TTLL11: variants seen among roughly 807,000 people sequenced by gnomAD.
The protein encoded by TTLL11 is tubulin tyrosine ligase like 11.
In TTLL11, 42 loss-of-function variants were observed where a neutral mutation model predicts 51.7. The observed-to-expected ratio is 0.81, with a 90% CI of 0.64 to 1.05. The LOEUF is 1.05. Ranked by LOEUF, TTLL11 falls within the 50% of genes least tolerant of loss-of-function variation. The probability of loss-of-function intolerance (pLI) is 0.00; values close to 1 mark genes in which losing one functional copy is unlikely to be tolerated. For synonymous variants in TTLL11, 381 were observed against 383.5 expected, an observed-to-expected ratio of 0.99 and a Z score of 0.08; for missense variants, 799 against 940.4, an observed-to-expected ratio of 0.85 and a Z score of 1.97.
chr9:121,877,833 C>G (rs1438432906), intron 6 of TTLL11, among the ~76,000 whole-genome samples: 7 of 152,178 alleles, frequency 4.6e-5, no homozygotes, highest in Admixed American at 3.9e-4. Context: ...GAAACCCAGA[C>G]AGGCGGGCTC....
intron 6 of TTLL11, among the ~76,000 whole-genome samples, chr9:121,925,085 G>A (rs1268422584): frequency 1.3e-5 from 2 of 152,170 alleles, no homozygotes; most frequent in Non-Finnish European, 2.9e-5. Flanking sequence ...AGCAGACACA[G>A]GCTTCACTTC....
At chr9:121,901,884 TC>T (rs1190144552) in intron 6 of TTLL11, among the ~76,000 whole-genome samples, 1 of 152,256 alleles carries the variant, frequency 6.6e-6, no homozygotes, top group African/African-American at 2.4e-5. Flanking sequence ...TTGTGTTTTC[TC>T]ATTGCTTCTG....
At chr9:121,913,774 A>T (rs915801523) in intron 6 of TTLL11, among the ~76,000 whole-genome samples, 1 of 152,196 alleles carries the variant, frequency 6.6e-6, no homozygotes. Flanking sequence ...TCAAATCAAC[A>T]TCTCATGCAT....
At chr9:121,942,590 A>ACT (rs35535008) in intron 6 of TTLL11, among the ~76,000 whole-genome samples, 45,133 of 151,368 alleles carry the variant, frequency 0.3, 7,204 homozygotes, top group African/African-American at 0.42. Context: ...CAGGGATGTC[A>ACT]CTCTAGTTAA....
intron 3 of TTLL11, among the ~76,000 whole-genome samples, chr9:122,022,413 G>GATCAAAA: frequency 6.6e-6 from 1 of 151,780 alleles, no homozygotes; most frequent in East Asian, 1.9e-4. Context: ...ATATAAAGAA[G>GATCAAAA]ATCAAAAATA....
intron 3 of TTLL11, among the ~76,000 whole-genome samples, chr9:121,991,030 T>C (rs1350076157): frequency 6.6e-6 from 1 of 152,032 alleles, no homozygotes; most frequent in South Asian, 2.1e-4. Context: ...AAGGGTGGAT[T>C]TGAAAGAGGG....
At chr9:122,080,652 T>C (rs546734853) in intron 1 of TTLL11, among the ~76,000 whole-genome samples, 1 of 152,014 alleles carries the variant, frequency 6.6e-6, no homozygotes, top group South Asian at 2.1e-4. Flanking sequence ...ATGTTCATGC[T>C]GCTGCACTCC....
chr9:121,853,573 C>A lies in TTLL11; in HGVS notation c.1840+6764G>T, dbSNP rs548069974. Among the ~76,000 whole-genome samples the A allele has an allele frequency of 6.6e-6, 1 of 152,138 alleles. No individual in the cohort carries two copies. Among genetic ancestry groups the A allele is most frequent in the Non-Finnish European group, 1.5e-5 (1 of 68,016 alleles). On this transcript the variant is annotated intron_variant, in intron 8 of 8. Transcript: ENST00000321582. The surrounding 1 kb of genome is among the most constrained non-coding windows in gnomAD (Gnocchi z 5.6). ...GTCCAGCTCTCAAGGCCCTGAAATG[C>A]GCCAATGTCCTCCCCTGGGGTTGGA...
chr9:121,979,247 G>A (rs1842778801), intron 4 of TTLL11, among the ~76,000 whole-genome samples: 1 of 152,174 alleles, frequency 6.6e-6, no homozygotes, highest in Admixed American at 6.5e-5. Context: ...AGCCATGGGA[G>A]TGGGCTTGGA....
At chr9:121,888,848 C>T (rs1243996176) in intron 6 of TTLL11, among the ~76,000 whole-genome samples, 2 of 152,222 alleles carry the variant, frequency 1.3e-5, no homozygotes, top group Non-Finnish European at 2.9e-5. Context: ...AGGCACTGGA[C>T]TGGGGGCCTT....
intron 6 of TTLL11, among the ~76,000 whole-genome samples, chr9:121,949,503 T>G (rs1022089587): frequency 6.6e-6 from 1 of 152,188 alleles, no homozygotes; most frequent in Non-Finnish European, 1.5e-5. Flanking sequence ...TGATGTCTCA[T>G]AGTTTAAAAA....
rs541025726 is a variant in TTLL11 at position 121,872,021 on chromosome 9, C to T, written c.1482-1273G>A. ...TGTTATACATGGTCAGTAAATGCTG[C>T]CTGGTTGACTAACTGATCCAAGGAA... On this transcript the variant is annotated intron_variant, in intron 6 of 8. Transcript: ENST00000321582. Among the ~76,000 whole-genome samples, 10 of 152,320 alleles carry T rather than the reference C, an allele frequency of 6.6e-5. No individual in the cohort carries two copies. The South Asian group carries it at 1.7e-3, about 25-fold the overall frequency.
chr9:121,946,447 A>C (rs1391538758), intron 6 of TTLL11, among the ~76,000 whole-genome samples: 1 of 152,228 alleles, frequency 6.6e-6, no homozygotes, highest in East Asian at 1.9e-4. Context: ...ATGGCCGACT[A>C]GGCAAAGCAG....
At chr9:122,059,344 T>C (rs1182403685) in intron 1 of TTLL11, among the ~76,000 whole-genome samples, 1 of 152,208 alleles carries the variant, frequency 6.6e-6, no homozygotes, top group African/African-American at 2.4e-5. Context: ...CTAAGCACTT[T>C]CAATGTATGA....
chr9:121,860,207 G>A, intron 8 of TTLL11, 130 bp downstream of exon 8: 1 of 668,154 alleles, frequency 1.5e-6, no homozygotes, highest in Non-Finnish European at 2.5e-6. Context: ...CTCAATCCCT[G>A]GGATTATGTC....
chr9:121,906,339 A>AATT (rs10661179), intron 6 of TTLL11, among the ~76,000 whole-genome samples: 2 of 142,756 alleles, frequency 1.4e-5, no homozygotes, highest in East Asian at 4.2e-4. Context: ...TTATGTAATA[A>AATT]TTTTTAAAAA....
In TTLL11 at chr9:121,870,412, G is replaced by T. The variant is rs375082503; in HGVS notation, c.1733+85C>A. 5 of 1,460,002 alleles carry T rather than the reference G, an allele frequency of 3.4e-6. No homozygotes were observed. In the East Asian group the frequency reaches 1.2e-4, roughly 36 times the overall value. The allele number at this position is 1,460,002 out of a possible 1,614,324, so 90.4% of individuals were successfully genotyped here. On this transcript the variant is annotated intron_variant, in intron 7 of 8. Transcript: ENST00000321582. Reference sequence around the variant, plus strand: ...CCCAGCACCACAGATTCTCCCGAGCGCAGTCAGGGAGACCCGCCAGCCAGA... The same window carrying T: ...CCCAGCACCACAGATTCTCCCGAGCTCAGTCAGGGAGACCCGCCAGCCAGA...
At chr9:122,039,218 A>G in intron 2 of TTLL11, 54 bp downstream of exon 2, 7 of 1,426,666 alleles carry the variant, frequency 4.9e-6, no homozygotes, top group Non-Finnish European at 6.9e-6. Flanking sequence ...AGAAGAGTGT[A>G]TCTGAGACTT....
rs913469544 is a variant in TTLL11 at position 121,834,405 on chromosome 9, C to G, written c.1841-11526G>C. On this transcript the variant is annotated intron_variant, in intron 8 of 8. Coordinates refer to ENST00000321582, the MANE Select transcript of TTLL11 (RefSeq NM_001139442.2). ...GGGTCCCAGCTCTCCCACTTACTGC[C>G]TGTCAAGGCATTTTACTTTTCTGGG... Among the ~76,000 whole-genome samples, 3 of 151,868 alleles carry G rather than the reference C, an allele frequency of 2.0e-5. No individual in the cohort carries two copies. In the South Asian group the frequency reaches 6.2e-4, roughly 31 times the overall value.
Sources: allele counts gnomAD v4.1 joint callset (sites outside exome capture counted in the v4.1 genomes callset), GRCh38; gene constraint gnomAD v4.1.1; non-coding constraint Gnocchi (gnomAD v3.1); transcripts MANE v1.5; gene names NCBI Gene and HGNC (gene_info 2026-07-23, HGNC 2026-07-21).